Variants in DLG2 observed in about 807,000 individuals in gnomAD.
The protein encoded by DLG2 is disks large homolog 2.
In DLG2, 45 loss-of-function variants were observed where a neutral mutation model predicts 132.5. The ratio of observed to expected loss-of-function variants is 0.34; its 90% CI spans 0.27 to 0.44. DLG2 has a LOEUF of 0.44. Ranked by LOEUF, DLG2 falls within the 20% of genes least tolerant of loss-of-function variation. DLG2 has a pLI of 1.00. For synonymous variants in DLG2, 424 were observed against 419.6 expected (o/e 1.01, Z -0.13); for missense variants, 1,045 against 1,196.9 (o/e 0.87, Z 1.87).
chr11:85,296,323 T>C (rs1338972342), intron 3 of DLG2, among the ~76,000 whole-genome samples: 1 of 152,112 alleles, frequency 6.6e-6, no homozygotes, highest in Non-Finnish European at 1.5e-5. Context: ...GGAGACATTA[T>C]CCATAGAGAC....
chr11:83,805,157 C>A (rs981226654), intron 17 of DLG2, among the ~76,000 whole-genome samples: 1 of 152,086 alleles, frequency 6.6e-6, no homozygotes, highest in South Asian at 2.1e-4. Context: ...TTGCAAATAA[C>A]AATCTATAAG....
At chr11:85,053,511 G>A (rs183413066) in intron 6 of DLG2, among the ~76,000 whole-genome samples, 69 of 151,756 alleles carry the variant, frequency 4.5e-4, no homozygotes, top group Admixed American at 1.3e-3. Flanking sequence ...AGTACAGGCC[G>A]GGCGTGGTGG....
At chr11:83,850,314 C>T (rs762552871) in intron 16 of DLG2, among the ~76,000 whole-genome samples, 1 of 151,994 alleles carries the variant, frequency 6.6e-6, no homozygotes, top group Non-Finnish European at 1.5e-5. Flanking sequence ...CCACCACTCC[C>T]GGCTAATTTT....
chr11:83,639,224 T>G (rs2065704195), intron 18 of DLG2, among the ~76,000 whole-genome samples: 1 of 152,186 alleles, frequency 6.6e-6, no homozygotes, highest in African/African-American at 2.4e-5. Flanking sequence ...GTGGGCAGCA[T>G]GCCCCTCGAT....
chr11:84,734,602 C>T (rs1262222081), intron 6 of DLG2, among the ~76,000 whole-genome samples: 1 of 152,128 alleles, frequency 6.6e-6, no homozygotes, highest in Non-Finnish European at 1.5e-5. Context: ...ATTTGACTTC[C>T]TCTTTTCCCA....
At chr11:84,212,462 T>C (rs1272169710) in intron 8 of DLG2, among the ~76,000 whole-genome samples, 1 of 152,238 alleles carries the variant, frequency 6.6e-6, no homozygotes, top group Non-Finnish European at 1.5e-5. Flanking sequence ...GAATGGCCTC[T>C]AAGTTTCATT....
At chr11:84,109,341 CT>C (rs1379989253) in intron 9 of DLG2, among the ~76,000 whole-genome samples, 1 of 152,064 alleles carries the variant, frequency 6.6e-6, no homozygotes, top group African/African-American at 2.4e-5. Context: ...GGATTATGGG[CT>C]TTCCTGGAGA....
chr11:84,861,929 C>T (rs1384130446), intron 6 of DLG2, among the ~76,000 whole-genome samples: 4 of 150,748 alleles, frequency 2.7e-5, no homozygotes, highest in Admixed American at 6.6e-5. Context: ...AGTAAACTAT[C>T]GCAAGAACAA....
intron 15 of DLG2, among the ~76,000 whole-genome samples, chr11:83,923,202 G>A (rs1003385010): frequency 6.6e-6 from 1 of 152,128 alleles, no homozygotes; most frequent in Non-Finnish European, 1.5e-5. Flanking sequence ...ATATACATGA[G>A]TTCAAGGCTT....
intron 7 of DLG2, among the ~76,000 whole-genome samples, chr11:84,283,005 G>C (rs1395647690): frequency 3.3e-5 from 5 of 152,102 alleles, no homozygotes; most frequent in Admixed American, 6.5e-5. Context: ...ATGTAATTTT[G>C]AAGTATGTAC....
intron 19 of DLG2, among the ~76,000 whole-genome samples, chr11:83,580,520 T>C (rs1423972841): frequency 6.6e-6 from 1 of 152,180 alleles, no homozygotes; most frequent in African/African-American, 2.4e-5. Context: ...AAAGATATAC[T>C]GGAATGCAAG....
chr11:85,186,070 C>T (rs2080073764), intron 4 of DLG2, among the ~76,000 whole-genome samples: 1 of 151,914 alleles, frequency 6.6e-6, no homozygotes, highest in African/African-American at 2.4e-5. Flanking sequence ...AAACTATGAA[C>T]TTTTTGAGAA....
chr11:84,687,429 T>G (rs1595765575), intron 6 of DLG2, among the ~76,000 whole-genome samples: 1 of 152,314 alleles, frequency 6.6e-6, no homozygotes, highest in Non-Finnish European at 1.5e-5. Context: ...ATAGAATACC[T>G]TAACTGTAGT....
chr11:84,393,075 C>CTA (rs2098798406), intron 7 of DLG2, among the ~76,000 whole-genome samples: 1 of 152,108 alleles, frequency 6.6e-6, no homozygotes, highest in Non-Finnish European at 1.5e-5. Flanking sequence ...AACGTGTGAG[C>CTA]TATAATGTGT....
intron 18 of DLG2, among the ~76,000 whole-genome samples, chr11:83,733,293 T>A (rs1172665559): frequency 1.5e-5 from 2 of 136,060 alleles, no homozygotes; most frequent in Non-Finnish European, 3.2e-5. Context: ...AGAAATTGAG[T>A]CAAATGGCAA....
chr11:85,245,295 T>A (rs2076078320), intron 4 of DLG2, among the ~76,000 whole-genome samples: 1 of 151,972 alleles, frequency 6.6e-6, no homozygotes, highest in Non-Finnish European at 1.5e-5. Flanking sequence ...TAATGCTATA[T>A]CTTCCCCACC....
chr11:85,549,554 T>A (rs1186407123), intron 3 of DLG2, among the ~76,000 whole-genome samples: 1 of 152,192 alleles, frequency 6.6e-6, no homozygotes, highest in Admixed American at 6.5e-5. Context: ...GTCAGAGGCA[T>A]TTGAGCCAGA....
At chr11:84,862,820 G>C (rs1201048899) in intron 6 of DLG2, among the ~76,000 whole-genome samples, 8 of 136,008 alleles carry the variant, frequency 5.9e-5, no homozygotes, top group South Asian at 2.9e-4. Flanking sequence ...GTCCTGTCGG[G>C]GGGGGGGGGT....
intron 14 of DLG2, among the ~76,000 whole-genome samples, chr11:83,953,781 A>G (rs1395362583): frequency 6.6e-6 from 1 of 152,236 alleles, no homozygotes; most frequent in Non-Finnish European, 1.5e-5. Context: ...TTTCAGTGTC[A>G]TACAGATTAT....
Sources: gnomAD v4.1 joint callset for allele counts (sites outside exome capture counted in the v4.1 genomes callset) on GRCh38, gnomAD v4.1.1 for gene constraint, MANE v1.5 for transcripts, NCBI Gene and HGNC (gene_info 2026-07-23, HGNC 2026-07-21) for gene names.